The following PI4KA variants were observed in gnomAD, a reference collection of about 807,000 sequenced individuals.
The protein encoded by PI4KA is phosphatidylinositol 4-kinase alpha.
PI4KA carries 122 observed loss-of-function variants against 271.4 expected under a neutral mutation model. The observed-to-expected ratio is 0.45, with a 90% CI of 0.39 to 0.52. The LOEUF is 0.52. PI4KA is among the 20% of genes least tolerant of loss of function. The probability of loss-of-function intolerance (pLI) is 0.00; values close to 1 mark genes in which losing one functional copy is unlikely to be tolerated. For missense variants in PI4KA, 1,969 were observed against 2,769.1 expected, an observed-to-expected ratio of 0.71 and a Z score of 6.48; for synonymous variants, 1,041 against 1,078.8, an observed-to-expected ratio of 0.96 and a Z score of 0.69.
rs147010982 is a variant in PI4KA at position 20,820,921 on chromosome 22, C to A, written c.457-310G>T. Among the ~76,000 whole-genome samples the A allele has an allele frequency of 2.8e-4, 42 of 152,320 alleles. 1 individual carries two copies. The East Asian group carries it at 7.5e-3, about 27-fold the overall frequency. Reference sequence around the variant, plus strand: ...ATTCTGTAAACAGGTGATGGGTCCCCAAATCTTCTCTTTTCATGGGTAAAC... The same window carrying A: ...ATTCTGTAAACAGGTGATGGGTCCCAAAATCTTCTCTTTTCATGGGTAAAC... On this transcript the variant is annotated intron_variant, in intron 4 of 54. Transcript: ENST00000255882.
At chr22:20,740,061 CAAAAAAA>C (rs59323542) in intron 32 of PI4KA, among the ~76,000 whole-genome samples, 24 of 73,366 alleles carry the variant, frequency 3.3e-4, no homozygotes, top group African/African-American at 7.0e-4. Context: ...GACCCCATCT[CAAAAAAA>C]AAAAAAAAAA....
intron 32 of PI4KA, among the ~76,000 whole-genome samples, chr22:20,739,703 T>C (rs1266555243): frequency 6.6e-6 from 1 of 152,042 alleles, no homozygotes; most frequent in Non-Finnish European, 1.5e-5. Context: ...CAAAGATTTA[T>C]AAGAAATAAT....
rs764752542 is a variant in PI4KA at position 20,764,940 on chromosome 22, C to T, written c.2585G>A (p.Ser862Asn). The change falls in exon 22 of 55, where the codon AGT (serine) becomes AAT (asparagine). Residue 862 changes from serine (S) to asparagine (N), a missense_variant. Transcript: ENST00000255882. The stretch of plus-strand genomic sequence containing the variant: ...GTTGATGATAGTGCTGCGGAGCTCA[C>T]TCAGCTCAGCCTGGAGGGAGAGAAA... ...KNDTVTPAEL[S>N]ELRSTIINLL... The T allele has an allele frequency of 4.4e-6, 7 of 1,607,570 alleles. No homozygotes were observed. In the African/African-American group the frequency reaches 9.4e-5, roughly 21 times the overall value.
chr22:20,851,430 C>A (rs931568181), intron 1 of PI4KA, among the ~76,000 whole-genome samples: 6 of 152,078 alleles, frequency 3.9e-5, no homozygotes, highest in Non-Finnish European at 8.8e-5. Flanking sequence ...CACCACCTCC[C>A]GGGTTCAAGC....
At chr22:20,846,280 A>G (rs1024867935) in intron 1 of PI4KA, among the ~76,000 whole-genome samples, 9 of 151,084 alleles carry the variant, frequency 6.0e-5, no homozygotes, top group South Asian at 2.1e-4. Context: ...AAAAAAAAAA[A>G]AAAGAAAAGA....
At position 20,796,318 on chromosome 22, in the gene PI4KA, A is replaced by C. The variant is rs1569043367; in HGVS notation, c.2109-4T>G. Reference sequence around the variant, plus strand: ...AATCACTGCCAGGGAGCAATGCCTGAAGAAGAAGGAGTGAAATAACAGCCA... The same window carrying C: ...AATCACTGCCAGGGAGCAATGCCTGCAGAAGAAGGAGTGAAATAACAGCCA... On this transcript the variant is annotated splice_polypyrimidine_tract_variant and splice_region_variant and intron_variant, in intron 17 of 54. Transcript: ENST00000255882. The C allele has an allele frequency of 1.9e-6, 3 of 1,611,326 alleles. No individual in the cohort carries two copies. The highest frequency in any genetic ancestry group is 2.5e-6 in the Non-Finnish European group (3 of 1,178,374).
chr22:20,765,891 G>A (rs1932480193), intron 19 of PI4KA, among the ~76,000 whole-genome samples, 198 bp from the exon 20 acceptor site: 1 of 152,188 alleles, frequency 6.6e-6, no homozygotes, highest in South Asian at 2.1e-4. Flanking sequence ...TCCCTAGTGT[G>A]CACCAGGTGC....
intron 23 of PI4KA, among the ~76,000 whole-genome samples, chr22:20,754,860 A>C (rs1435324787): frequency 1.3e-5 from 2 of 152,210 alleles, no homozygotes; most frequent in Non-Finnish European, 2.9e-5. Flanking sequence ...AGGCAGGAGA[A>C]TCGCTTGACC....
At chr22:20,763,057 C>T (rs1932161653) in intron 22 of PI4KA, among the ~76,000 whole-genome samples, 1 of 139,538 alleles carries the variant, frequency 7.2e-6, no homozygotes, top group Non-Finnish European at 1.5e-5. Flanking sequence ...TGCTCTGTTG[C>T]AGAAGCTCAA....
chr22:20,793,667 CAA>C (rs1307979796), intron 18 of PI4KA, among the ~76,000 whole-genome samples: 1 of 152,174 alleles, frequency 6.6e-6, no homozygotes, highest in Non-Finnish European at 1.5e-5. Flanking sequence ...AGAAATCTGT[CAA>C]AGTGTTAGTA....
chr22:20,858,693 G>T lies in PI4KA; in HGVS notation c.33C>A (p.Gly11=). MAAAPARGGG[G]GGGGGGGCSG... ...AGCAGCCGCCGCCGCCTCCGCCTCC[G>T]CCTCCGCCTCCCCGGGCCGGGGCCG... The change falls in exon 1 of 55, where the codon GGC becomes GGA. Residue 11 remains glycine, a synonymous_variant. Coordinates refer to ENST00000255882, the MANE Select transcript of PI4KA (RefSeq NM_058004.4). 1 of 1,468,160 alleles carries T rather than the reference G, an allele frequency of 6.8e-7. No homozygotes were observed. Among genetic ancestry groups the T allele is most frequent in the Non-Finnish European group, 9.0e-7 (1 of 1,115,294 alleles). 90.9% of individuals were successfully genotyped at this position (1,468,160 alleles called of 1,614,324 possible).
At chr22:20,827,532 G>T (rs953710519) in intron 3 of PI4KA, among the ~76,000 whole-genome samples, 1 of 151,930 alleles carries the variant, frequency 6.6e-6, no homozygotes, top group Non-Finnish European at 1.5e-5. Flanking sequence ...AGTTATTCAG[G>T]CTCTTTTTTG....
intron 32 of PI4KA, among the ~76,000 whole-genome samples, chr22:20,737,607 G>A (rs1424000835): frequency 1.3e-5 from 2 of 151,748 alleles, no homozygotes; most frequent in Non-Finnish European, 2.9e-5. Context: ...CTATGAAATG[G>A]GAACGGCTAC....
intron 17 of PI4KA, among the ~76,000 whole-genome samples, chr22:20,797,862 A>G (rs1935074697): frequency 6.6e-6 from 1 of 152,106 alleles, no homozygotes; most frequent in African/African-American, 2.4e-5. Context: ...AACGCCTGCA[A>G]AGGGGCTCTC....
At chr22:20,816,270 C>T (rs1318922065) in intron 7 of PI4KA, among the ~76,000 whole-genome samples, 7 of 151,856 alleles carry the variant, frequency 4.6e-5, no homozygotes, top group African/African-American at 7.3e-5. Flanking sequence ...ATCAAATTTG[C>T]GCTATTAAAA....
chr22:20,738,147 G>A (rs1164337207), intron 32 of PI4KA, among the ~76,000 whole-genome samples: 2 of 152,052 alleles, frequency 1.3e-5, no homozygotes, highest in Non-Finnish European at 2.9e-5. Flanking sequence ...AGGCAGGTGT[G>A]TGCAGGCAGG....
At chr22:20,850,805 C>G (rs145488390) in intron 1 of PI4KA, among the ~76,000 whole-genome samples, 7 of 152,068 alleles carry the variant, frequency 4.6e-5, no homozygotes, top group African/African-American at 1.4e-4. Context: ...CTTTGAGAGG[C>G]TGAGGTGAGT....
chr22:20,771,658 T>C (rs1932880418), intron 19 of PI4KA, among the ~76,000 whole-genome samples: 1 of 151,948 alleles, frequency 6.6e-6, no homozygotes, highest in South Asian at 2.1e-4. Flanking sequence ...CTCGGCTCAC[T>C]GCAACCTTCA....
At chr22:20,739,174 T>C (rs1168600784) in intron 32 of PI4KA, among the ~76,000 whole-genome samples, 2 of 148,868 alleles carry the variant, frequency 1.3e-5, no homozygotes, top group East Asian at 3.9e-4. Flanking sequence ...TGAAACCCCG[T>C]CTCTACTAAA....
Sources: gnomAD v4.1 joint callset for allele counts (sites outside exome capture counted in the v4.1 genomes callset) on GRCh38, gnomAD v4.1.1 for gene constraint, MANE v1.5 for transcripts, NCBI Gene and HGNC (gene_info 2026-07-23, HGNC 2026-07-21) for gene names.